The following TG variants were observed in gnomAD, a reference collection of about 807,000 sequenced individuals.
TG encodes the protein thyroid hormones.
In TG, 270 loss-of-function variants were observed where a neutral mutation model predicts 324.7. The ratio of observed to expected loss-of-function variants is 0.83; its 90% confidence interval spans 0.75 to 0.92. TG has a LOEUF of 0.92. Among genes scored for constraint, TG ranks in the 40% least tolerant of loss-of-function variants. The pLI, the probability that TG is intolerant of heterozygous loss-of-function variation, is 0.00. For missense variants in TG, 3,591 were observed against 3,456.4 expected (o/e 1.04, Z -0.98); for synonymous variants, 1,401 against 1,327.0 (o/e 1.06, Z -1.21).
chr8:133,037,728 C>T (rs1837353283), intron 41 of TG: 1 of 151,762 alleles, frequency 6.6e-6, no homozygotes, highest in Non-Finnish European at 1.5e-5. Context: ...TGCATTCATA[C>T]AGGCAAGAAT....
At chr8:133,045,801 G>A (rs935892118) in intron 41 of TG, among the ~76,000 whole-genome samples, 4 of 152,094 alleles carry the variant, frequency 2.6e-5, no homozygotes, top group Admixed American at 1.3e-4. Flanking sequence ...AGGATCCATG[G>A]TCGTTTTTGG....
chr8:132,869,769 G>A lies in TG; in HGVS notation c.217G>A (p.Val73Met), dbSNP rs780845778. Residue 73 changes from valine (V) to methionine (M), a missense_variant, in exon 3 of 48, where the codon GTG (valine) becomes ATG (methionine). Coordinates refer to ENST00000220616, the MANE Select transcript of TG (RefSeq NM_003235.5). Reference protein sequence around the residue: ...CQNDGRSCWCVGANGSEVLGS... With the variant: ...CQNDGRSCWCMGANGSEVLGS... ...GAACGACGGCCGCTCCTGCTGGTGT[G>A]TGGGTGCCAACGGCAGTGAAGTGCT... 46 of 1,614,198 alleles carry A rather than the reference G, an allele frequency of 2.8e-5. No individual in the cohort carries two copies. The highest frequency in any genetic ancestry group is 3.3e-4 in the Middle Eastern group (2 of 6,062).
intron 20 of TG, among the ~76,000 whole-genome samples, chr8:132,914,823 T>C (rs907489003): frequency 6.6e-6 from 1 of 151,352 alleles, no homozygotes; most frequent in Non-Finnish European, 1.5e-5. Flanking sequence ...CACCCCAGGG[T>C]GGGTGAGATA....
chr8:132,872,680 G>A lies in TG; in HGVS notation c.479-382G>A, dbSNP rs567181547. ...TGCCAGTCCTGCAAGCTCCGTTCAT[G>A]GTAAGTACCCCATACAGGTGTACTA... is the stretch of plus-strand genomic sequence containing the variant. On this transcript the variant is annotated intron_variant, in intron 4 of 47. Transcript: ENST00000220616. Among the ~76,000 whole-genome samples the A allele has an allele frequency of 1.3e-3, 194 of 152,112 alleles. 1 individual carries two copies. Among genetic ancestry groups the A allele is most frequent in the African/African-American group, 4.5e-3 (185 of 41,488 alleles).
At chr8:133,120,852 C>T (rs1294759989) in intron 45 of TG, among the ~76,000 whole-genome samples, 1 of 152,196 alleles carries the variant, frequency 6.6e-6, no homozygotes, top group African/African-American at 2.4e-5. Context: ...GTCAAGCAGG[C>T]TCTTGAATGG....
chr8:132,941,664 G>T (rs772544190), intron 26 of TG, 122 bp downstream of exon 26: 9 of 1,040,594 alleles, frequency 8.6e-6, no homozygotes, highest in Non-Finnish European at 1.3e-5. Flanking sequence ...CACCCAAAGA[G>T]AAGGTGACAG....
chr8:133,114,417 C>A (rs761790009), intron 44 of TG, among the ~76,000 whole-genome samples: 30 of 152,190 alleles, frequency 2.0e-4, no homozygotes, highest in Admixed American at 1.9e-3. Context: ...TCGGGACAGA[C>A]CTGCCTCCCT....
chr8:132,922,869 C>T (rs1003551810), intron 21 of TG, among the ~76,000 whole-genome samples: 2 of 152,150 alleles, frequency 1.3e-5, no homozygotes, highest in Non-Finnish European at 2.9e-5. Context: ...CTGCTAATAC[C>T]GTCACACTGG....
At chr8:133,092,438 G>A (rs16904827) in intron 41 of TG, among the ~76,000 whole-genome samples, 10,194 of 152,226 alleles carry the variant, frequency 0.067, 1,125 homozygotes, top group African/African-American at 0.23. Context: ...GGAGCCCAGG[G>A]CTGTGGACCT....
intron 20 of TG, among the ~76,000 whole-genome samples, chr8:132,918,532 C>T (rs559557941): frequency 3.2e-4 from 49 of 152,312 alleles, no homozygotes; most frequent in Admixed American, 8.5e-4. Flanking sequence ...CAACTACACA[C>T]GTAGACCAGA....
At chr8:132,872,146 A>G (rs1455595978) in intron 4 of TG, among the ~76,000 whole-genome samples, 1 of 152,208 alleles carries the variant, frequency 6.6e-6, no homozygotes, top group African/African-American at 2.4e-5. Context: ...GTGTTATCAT[A>G]AAAGAGTCAA....
At chr8:132,882,776 GT>G (rs766931653) in intron 7 of TG, 37 bp from the exon 8 acceptor site, 2 of 1,613,940 alleles carry the variant, frequency 1.2e-6, no homozygotes, top group Non-Finnish European at 1.7e-6. Context: ...ACCAAGCATT[GT>G]TGACACTGTC....
At chr8:132,932,903 A>G (rs1822926732) in intron 23 of TG, among the ~76,000 whole-genome samples, 1 of 152,264 alleles carries the variant, frequency 6.6e-6, no homozygotes, top group South Asian at 2.1e-4. Context: ...GAATAGAAGC[A>G]ATTAAAATGT....
chr8:132,880,241 A>G (rs1330864209), intron 5 of TG, among the ~76,000 whole-genome samples: 1 of 152,212 alleles, frequency 6.6e-6, no homozygotes. Context: ...ACAGTGGCCC[A>G]TATACCTCAC....
chr8:132,941,493 C>T lies in TG; in HGVS notation c.5184C>T (p.Cys1728=), dbSNP rs199599591. Residue 1728 remains cysteine (C), a synonymous_variant, in exon 26 of 48, where the codon TGC becomes TGT. Coordinates refer to ENST00000220616, the MANE Select transcript of TG (RefSeq NM_003235.5). ...TDAHLFCLLA[C]DRDLCCDGFV... is the part of the protein sequence containing the mutation. The stretch of plus-strand genomic sequence containing the variant: ...CTCACCTCTTCTGTCTTCTTGCATG[C>T]GACCGTGATCTGTGTTGCGATGGCT... 8.7e-6 allele frequency: 14 copies of T among 1,614,170 alleles called. No individual in the cohort carries two copies. Among genetic ancestry groups the T allele is most frequent in the Admixed American group, 1.7e-5 (1 of 60,028 alleles).
intron 20 of TG, among the ~76,000 whole-genome samples, chr8:132,918,325 C>T (rs1231398473): frequency 2.0e-5 from 3 of 152,152 alleles, no homozygotes; most frequent in South Asian, 4.1e-4. Context: ...TTTCCTTCAG[C>T]GGTGAATTTG....
At chr8:133,024,768 C>A (rs546923579) in intron 40 of TG, among the ~76,000 whole-genome samples, 47 of 151,066 alleles carry the variant, frequency 3.1e-4, no homozygotes, top group African/African-American at 1.1e-3. Flanking sequence ...GCATAGTATT[C>A]CATGGTGTAT....
chr8:133,104,238 T>G (rs4236899), intron 43 of TG, among the ~76,000 whole-genome samples: 115,326 of 152,152 alleles, frequency 0.76, 44,814 homozygotes, highest in African/African-American at 0.91. Context: ...ATGAGATCTT[T>G]CAGGCCATCA....
intron 41 of TG, among the ~76,000 whole-genome samples, chr8:133,048,184 A>G (rs1448547596): frequency 3.3e-5 from 5 of 152,156 alleles, no homozygotes; most frequent in Non-Finnish European, 7.4e-5. Flanking sequence ...ATCCAATTCC[A>G]TAACCACCTC....
Sources: allele counts gnomAD v4.1 joint callset (sites outside exome capture counted in the v4.1 genomes callset), GRCh38; gene constraint gnomAD v4.1.1; transcripts MANE v1.5; gene names NCBI Gene and HGNC (gene_info 2026-07-23, HGNC 2026-07-21).